Variants in ITGB1 observed in about 807,000 individuals in gnomAD.
ITGB1 encodes the protein integrin beta-1.
Under a neutral mutation model 86.5 loss-of-function variants are expected in ITGB1, and 24 were observed. That is an observed-to-expected ratio of 0.28 (90% CI 0.20 to 0.39). ITGB1 has a LOEUF of 0.39. ITGB1 is among the 10% of genes least tolerant of loss of function. ITGB1 has a pLI of 1.00. For synonymous variants in ITGB1, 323 were observed against 316.8 expected, an observed-to-expected ratio of 1.02 and a Z score of -0.21; for missense variants, 556 against 946.9, an observed-to-expected ratio of 0.59 and a Z score of 5.42.
intron 11 of ITGB1, among the ~76,000 whole-genome samples, chr10:32,917,418 G>A (rs916713250): frequency 6.6e-6 from 1 of 151,988 alleles, no homozygotes; most frequent in Non-Finnish European, 1.5e-5. Flanking sequence ...CTACAGAATG[G>A]GACACAATTT....
chr10:32,949,478 AAT>A (rs1393154643), intron 1 of ITGB1, among the ~76,000 whole-genome samples: 26 of 152,354 alleles, frequency 1.7e-4, no homozygotes, highest in African/African-American at 6.0e-4. Context: ...ATTTGAACTT[AAT>A]AGAGGCCAAG....
chr10:32,924,670 G>A (rs949470266), intron 6 of ITGB1, among the ~76,000 whole-genome samples: 2 of 152,112 alleles, frequency 1.3e-5, no homozygotes, highest in African/African-American at 4.8e-5. Context: ...TCCCCACAAC[G>A]AGCTGCTAAC....
intron 4 of ITGB1, 70 bp from the exon 5 acceptor site, chr10:32,928,334 T>C: frequency 2.8e-6 from 2 of 707,418 alleles, no homozygotes; most frequent in Non-Finnish European, 2.5e-6. Context: ...AAAAACCAAA[T>C]AAATGTGGTT....
chr10:32,952,036 T>A (rs2095043655), intron 1 of ITGB1, among the ~76,000 whole-genome samples: 1 of 152,214 alleles, frequency 6.6e-6, no homozygotes, highest in African/African-American at 2.4e-5. Flanking sequence ...TTCCTCTCCA[T>A]CCTGTCTGTG....
chr10:32,903,312 A>G (rs969767156), intron 15 of ITGB1, among the ~76,000 whole-genome samples: 6 of 138,686 alleles, frequency 4.3e-5, no homozygotes, highest in Non-Finnish European at 6.1e-5. Flanking sequence ...AGATCGCACC[A>G]CTGCACTCCA....
At chr10:32,923,447 T>C in intron 7 of ITGB1, 138 bp downstream of exon 7, 1 of 592,756 alleles carries the variant, frequency 1.7e-6, no homozygotes, top group Non-Finnish European at 2.8e-6. Context: ...TCCTGCACTT[T>C]CAATCAGGAC....
At chr10:32,942,773 C>T (rs1034747517) in intron 1 of ITGB1, among the ~76,000 whole-genome samples, 3 of 151,544 alleles carry the variant, frequency 2.0e-5, no homozygotes, top group Non-Finnish European at 1.5e-5. Flanking sequence ...CAGCCTCAAC[C>T]TCCTGGGCTC....
intron 13 of ITGB1, among the ~76,000 whole-genome samples, chr10:32,911,096 A>C (rs888699481): frequency 6.6e-6 from 1 of 152,230 alleles, no homozygotes; most frequent in Admixed American, 6.5e-5. Flanking sequence ...AAGAGGAAAA[A>C]TCTTTAATTT....
chr10:32,929,998 A>G lies in ITGB1; in HGVS notation c.200T>C (p.Leu67Ser). ...GCAACCCTTCTTTTTTAAGGCTTCT[A>G]AATCATCACATCGTGCAGAAGTAGG... ...GMPTSARCDD[L>S]EALKKKGCPP... The change falls in exon 4 of 16, where the codon TTA (leucine) becomes TCA (serine). Residue 67 changes from leucine (L) to serine (S), a missense_variant. Physicochemically the swap from Leu to Ser is moderately radical, Grantham distance 145 (BLOSUM62 -2). Coordinates refer to ENST00000302278, the MANE Select transcript of ITGB1 (RefSeq NM_002211.4). 1 of 983,780 alleles carries G rather than the reference A, an allele frequency of 1.0e-6. No homozygotes were observed. Among genetic ancestry groups the G allele is most frequent in the South Asian group, 1.3e-5 (1 of 78,690 alleles). The allele number at this position is 983,780 out of a possible 1,614,324, so 60.9% of individuals were successfully genotyped here.
chr10:32,910,412 C>G lies in ITGB1; in HGVS notation c.1975G>C (p.Asp659His). The change falls in exon 14 of 16, where the codon GAC (aspartate) becomes CAC (histidine). Residue 659 changes from aspartate to histidine, a missense_variant. Physicochemically the swap from Asp to His is moderately conservative, Grantham distance 81. This residue lies in a region of ITGB1 where 330 missense variants were observed against 531.5 expected (regional missense o/e 0.62). Coordinates refer to ENST00000302278, the MANE Select transcript of ITGB1 (RefSeq NM_002211.4). ...CRAFNKGEKK[D>H]TCTQECSYFN... ...TAGGAACATTCCTGTGTGCATGTGT[C>G]TTTCTTTTCTCCTTTATTGAAGGCT... The G allele has an allele frequency of 6.2e-7, 1 of 1,600,880 alleles. No homozygotes were observed. The highest frequency in any genetic ancestry group is 8.5e-7 in the Non-Finnish European group (1 of 1,171,282).
In ITGB1 at chr10:32,926,018, G is replaced by A. The variant is rs374974693; in HGVS notation, c.639C>T (p.Cys213=). Residue 213 remains cysteine (C), a synonymous_variant, in exon 6 of 16, where the codon TGC becomes TGT. Coordinates refer to ENST00000302278, the MANE Select transcript of ITGB1 (RefSeq NM_002211.4). ...CATTTTTGTAGCTAAATGGGCTGGT[G>A]CAGTTCTGTTCACTTGTGCAAGGGT... is the stretch of plus-strand genomic sequence containing the variant. ...LRNPCTSEQN[C]TSPFSYKNVL... The A allele has an allele frequency of 1.1e-5, 17 of 1,613,940 alleles. No homozygotes were observed. The highest frequency in any genetic ancestry group is 2.7e-5 in the African/African-American group (2 of 74,902).
At chr10:32,906,212 A>G (rs2094895987) in intron 15 of ITGB1, among the ~76,000 whole-genome samples, 1 of 152,228 alleles carries the variant, frequency 6.6e-6, no homozygotes, top group Non-Finnish European at 1.5e-5. Context: ...ATAGTAGGTT[A>G]TATTTTTCTA....
intron 3 of ITGB1, among the ~76,000 whole-genome samples, chr10:32,930,343 A>C (rs1473325841): frequency 6.6e-6 from 1 of 152,144 alleles, no homozygotes; most frequent in Non-Finnish European, 1.5e-5. Context: ...GAAATCACTA[A>C]TTGAGCATGG....
At chr10:32,944,612 T>C (rs775770274) in intron 1 of ITGB1, 11 of 577,716 alleles carry the variant, frequency 1.9e-5, no homozygotes, top group African/African-American at 1.1e-4. Flanking sequence ...GCTGGCCCTA[T>C]ATGAGCTGAA....
chr10:32,930,731 CA>C (rs1565827530), intron 3 of ITGB1, among the ~76,000 whole-genome samples: 1 of 151,284 alleles, frequency 6.6e-6, no homozygotes, highest in Non-Finnish European at 1.5e-5. Flanking sequence ...AGGTAAATTT[CA>C]AAAAAGGAAA....
chr10:32,951,069 C>T (rs548456535), intron 1 of ITGB1, among the ~76,000 whole-genome samples: 2 of 152,020 alleles, frequency 1.3e-5, no homozygotes, highest in African/African-American at 4.8e-5. Flanking sequence ...AGCCTGGAAA[C>T]TTAACACCTA....
intron 11 of ITGB1, among the ~76,000 whole-genome samples, chr10:32,916,772 T>C (rs1442180221): frequency 6.6e-6 from 1 of 152,144 alleles, no homozygotes; most frequent in African/African-American, 2.4e-5. Flanking sequence ...CTGCCCAAGG[T>C]AATTTAGAGA....
rs201973516 is a variant in ITGB1 at position 32,919,893 on chromosome 10, G to A, written c.1461C>T (p.Gly487=). The part of the protein sequence containing the change: ...CHEGNGTFEC[G]ACRCNEGRVG... Reference sequence around the variant, plus strand: ...GACAACACCCAGCTTACCTGCACGCGCCACACTCAAATGTCCCATTTCCTT... The same window carrying A: ...GACAACACCCAGCTTACCTGCACGCACCACACTCAAATGTCCCATTTCCTT... Residue 487 remains glycine (G), a synonymous_variant, in exon 11 of 16, where the codon GGC becomes GGT. Transcript: ENST00000302278. The A allele has an allele frequency of 7.2e-5, 116 of 1,613,746 alleles. No individual in the cohort carries two copies. The South Asian group carries it at 9.8e-4, about 14-fold the overall frequency.
chr10:32,943,492 G>A (rs1314769797), intron 1 of ITGB1, among the ~76,000 whole-genome samples: 1 of 150,904 alleles, frequency 6.6e-6, no homozygotes, highest in Non-Finnish European at 1.5e-5. Flanking sequence ...GTGGGGGTGG[G>A]GGGCAAAGAA....
Sources: gnomAD v4.1 joint callset for allele counts (sites outside exome capture counted in the v4.1 genomes callset) on GRCh38, gnomAD v4.1.1 for gene constraint, gnomAD v4.1.1 regional missense constraint, MANE v1.5 for transcripts, NCBI Gene and HGNC (gene_info 2026-07-23, HGNC 2026-07-21) for gene names.